TACC2: variants seen among roughly 807,000 people sequenced by gnomAD.
TACC2 encodes transforming acidic coiled-coil containing protein 2.
Under a neutral mutation model 227.3 loss-of-function variants are expected in TACC2, and 137 were observed. That is an observed-to-expected ratio of 0.60 (90% CI 0.52 to 0.69). TACC2 has a LOEUF of 0.69. Among genes scored for constraint, TACC2 ranks in the 30% least tolerant of loss-of-function variants. The pLI is 0.00. For missense variants in TACC2, 3,470 were observed against 3,694.4 expected (o/e 0.94, Z 1.57); for synonymous variants, 1,523 against 1,487.5 (o/e 1.02, Z -0.55).
At position 122,085,158 on chromosome 10, in the gene TACC2, C is replaced by CT; in HGVS notation, c.2660dup (p.Leu887PhefsTer26). ...CTGTGGAACCTCAGGAAGATAACAA[C>CT]TTGCCCACTCATGGAGGACAGGAGC... On this transcript the variant is annotated frameshift_variant, in exon 4 of 23. Transcript: ENST00000369005. LOFTEE classifies it high-confidence loss of function. 6.2e-7 allele frequency: 1 copy of CT among 1,614,172 alleles called. No homozygotes were observed. Among genetic ancestry groups the CT allele is most frequent in the Non-Finnish European group, 8.5e-7 (1 of 1,180,032 alleles).
At chr10:122,102,739 G>A (rs1194285096) in intron 5 of TACC2, among the ~76,000 whole-genome samples, 1 of 152,192 alleles carries the variant, frequency 6.6e-6, no homozygotes. Flanking sequence ...ACACACGTCT[G>A]TCCGAGCAGT....
chr10:121,995,300 A>T (rs1246779244), intron 1 of TACC2, among the ~76,000 whole-genome samples: 2 of 152,220 alleles, frequency 1.3e-5, no homozygotes, highest in East Asian at 3.8e-4. Context: ...TAACTGAATC[A>T]TCAGGTTAAA....
intron 7 of TACC2, among the ~76,000 whole-genome samples, chr10:122,189,286 C>G (rs2140432153): frequency 6.6e-6 from 1 of 152,304 alleles, no homozygotes; most frequent in South Asian, 2.1e-4. Context: ...TATCCATTTA[C>G]TCACAGAGTC....
intron 16 of TACC2, among the ~76,000 whole-genome samples, chr10:122,231,916 G>C (rs1180211904): frequency 6.6e-6 from 1 of 152,248 alleles, no homozygotes; most frequent in Non-Finnish European, 1.5e-5. Flanking sequence ...GGGGCAGTGA[G>C]GTCTGTGTCT....
At chr10:122,126,316 C>CTGTGTGTGTGTG (rs3037067) in intron 5 of TACC2, among the ~76,000 whole-genome samples, 4,495 of 142,030 alleles carry the variant, frequency 0.032, 109 homozygotes, top group Non-Finnish European at 0.038. Context: ...TAATCCAGAA[C>CTGTGTGTGTGTG]TGTGTGTGTG....
intron 7 of TACC2, among the ~76,000 whole-genome samples, chr10:122,162,616 T>C (rs967009591): frequency 6.6e-6 from 1 of 152,344 alleles, no homozygotes; most frequent in Admixed American, 6.5e-5. Context: ...GAACTCTTTC[T>C]GCAGCAGCCT....
chr10:122,198,290 G>C (rs546751199), intron 8 of TACC2, among the ~76,000 whole-genome samples: 3 of 152,052 alleles, frequency 2.0e-5, no homozygotes, highest in African/African-American at 7.2e-5. Context: ...CAGCTGGGGC[G>C]GGCCAGGACT....
intron 2 of TACC2, chr10:122,033,012 AC>A (rs11361502): frequency 0.58 from 506,337 of 865,700 alleles, 157,253 homozygotes; most frequent in South Asian, 0.69. Context: ...AAACAAAAAA[AC>A]CCCACAAAAA....
In TACC2 at chr10:122,180,301, T is replaced by C; in HGVS notation, c.5835-14739T>C. 6.6e-6 allele frequency among the ~76,000 whole-genome samples: 1 copy of C among 151,804 alleles called. No homozygotes were observed. The highest frequency in any genetic ancestry group is 1.5e-5 in the Non-Finnish European group (1 of 67,976). ...CCTCCCACCTCAGGGCTCTTCATCT[T>C]TTTGTTCTCCCTGCCTGAAACTTTC... is the stretch of plus-strand genomic sequence containing the variant. On this transcript the variant is annotated intron_variant, in intron 7 of 22. Coordinates refer to ENST00000369005, the MANE Select transcript of TACC2 (RefSeq NM_206862.4). This position sits in a 1 kb window ranked among gnomAD's most constrained non-coding sequence, Gnocchi z 4.5.
intron 7 of TACC2, among the ~76,000 whole-genome samples, chr10:122,177,423 T>TG (rs1212969048): frequency 6.6e-6 from 1 of 152,048 alleles, no homozygotes; most frequent in Non-Finnish European, 1.5e-5. Context: ...AGGATGGAGT[T>TG]GCAGGGATGA....
At chr10:122,163,733 C>G in intron 7 of TACC2, 1 of 1,173,698 alleles carries the variant, frequency 8.5e-7, no homozygotes, top group Non-Finnish European at 1.1e-6. Context: ...CGCTCGCCCC[C>G]CGGCCCCCGG....
At chr10:122,089,286 C>A (rs887921336) in intron 5 of TACC2, among the ~76,000 whole-genome samples, 3 of 152,096 alleles carry the variant, frequency 2.0e-5, no homozygotes, top group Admixed American at 6.6e-5. Flanking sequence ...CATACCCCAG[C>A]CCCCACACCC....
intron 7 of TACC2, among the ~76,000 whole-genome samples, chr10:122,187,725 A>G (rs1029458212): frequency 6.6e-6 from 1 of 152,100 alleles, no homozygotes; most frequent in Non-Finnish European, 1.5e-5. Flanking sequence ...TCCTGATCTC[A>G]GGTAATTCGT....
At chr10:122,042,786 T>C (rs2074466183) in intron 2 of TACC2, among the ~76,000 whole-genome samples, 1 of 152,136 alleles carries the variant, frequency 6.6e-6, no homozygotes, top group Admixed American at 6.6e-5. Context: ...AAAGCTTGGG[T>C]TTCAGAACAA....
intron 7 of TACC2, among the ~76,000 whole-genome samples, chr10:122,146,428 T>TAA (rs1296186037): frequency 6.6e-6 from 1 of 152,140 alleles, no homozygotes; most frequent in Non-Finnish European, 1.5e-5. Flanking sequence ...GTGAGGCCTT[T>TAA]AAGAGGTGAT....
At chr10:122,164,133 T>C in intron 7 of TACC2, 1 of 975,634 alleles carries the variant, frequency 1.0e-6, no homozygotes, top group Non-Finnish European at 1.5e-6. Context: ...TGGAAAGCTT[T>C]ACCTGGGGCT....
intron 5 of TACC2, among the ~76,000 whole-genome samples, chr10:122,090,548 AAAAAAAAAAAAAAAG>A (rs575918257): frequency 0.023 from 3,178 of 137,306 alleles, 54 homozygotes; most frequent in Middle Eastern, 0.038. Context: ...CTCTATCTCA[AAAAAAAAAAAAAAAG>A]AAAAAAAAAA....
Position 122,084,088 on chromosome 10 carries a change from G to C in TACC2, c.1588G>C (p.Ala530Pro). Residue 530 changes from alanine to proline, a missense_variant, in exon 4 of 23, where the codon GCA (alanine) becomes CCA (proline). Physicochemically the swap from Ala to Pro is conservative, Grantham distance 27. Around this residue, in one of 10 missense-constraint regions of TACC2, gnomAD observed 1,924 missense variants for 1,978.3 expected, o/e 0.97. Coordinates refer to ENST00000369005, the MANE Select transcript of TACC2 (RefSeq NM_206862.4). ...KEQSHEVQPG[A>P]PPPPLPKAPS... is the part of the protein sequence containing the mutation. ...GCAAAGCCATGAGGTCCAACCAGGA[G>C]CACCACCCCCTCCTCTTCCCAAGGC... 1 of 1,613,950 alleles carries C rather than the reference G, an allele frequency of 6.2e-7. No homozygotes were observed. Among genetic ancestry groups the C allele is most frequent in the Non-Finnish European group, 8.5e-7 (1 of 1,179,956 alleles).
At chr10:122,043,314 G>A (rs1476579020) in intron 2 of TACC2, among the ~76,000 whole-genome samples, 1 of 152,098 alleles carries the variant, frequency 6.6e-6, no homozygotes, top group Non-Finnish European at 1.5e-5. Context: ...AATGGCCACC[G>A]CTTGTGACCC....
Sources: allele counts gnomAD v4.1 joint callset (sites outside exome capture counted in the v4.1 genomes callset), GRCh38; gene constraint gnomAD v4.1.1; regional missense constraint gnomAD v4.1.1; non-coding constraint Gnocchi (gnomAD v3.1); transcripts MANE v1.5; gene names NCBI Gene and HGNC (gene_info 2026-07-23, HGNC 2026-07-21).